Variants in PDE4B observed in about 807,000 individuals in gnomAD.
PDE4B encodes phosphodiesterase 4B.
In PDE4B, 20 loss-of-function variants were observed where a neutral mutation model predicts 82.2. That is an observed-to-expected ratio of 0.24 (90% CI 0.17 to 0.35). The LOEUF (loss-of-function observed/expected upper bound fraction) is 0.35. Among genes scored for constraint, PDE4B ranks in the 10% least tolerant of loss-of-function variants. PDE4B has a pLI of 1.00. For synonymous variants in PDE4B, 320 were observed against 318.9 expected, an observed-to-expected ratio of 1.00 and a Z score of -0.04; for missense variants, 655 against 907.2, an observed-to-expected ratio of 0.72 and a Z score of 3.57.
chr1:66,051,367 A>C (rs12040042), intron 3 of PDE4B, among the ~76,000 whole-genome samples: 1 of 152,074 alleles, frequency 6.6e-6, no homozygotes, highest in Non-Finnish European at 1.5e-5. Flanking sequence ...CCTCATGATT[A>C]TTGGGTCAGT....
intron 3 of PDE4B, among the ~76,000 whole-genome samples, chr1:66,110,509 G>T (rs1645462519): frequency 6.6e-6 from 1 of 152,046 alleles, no homozygotes; most frequent in Admixed American, 6.6e-5. Context: ...ATAGAGCACA[G>T]GTCCTGGCAC....
chr1:66,006,583 C>A (rs1652163780), intron 3 of PDE4B, among the ~76,000 whole-genome samples: 1 of 152,020 alleles, frequency 6.6e-6, no homozygotes, highest in Non-Finnish European at 1.5e-5. Flanking sequence ...TATGGTTTGG[C>A]TGTATCTCCA....
chr1:66,368,108 A>G (rs759979845), intron 15 of PDE4B, 43 bp downstream of exon 15: 18 of 1,592,098 alleles, frequency 1.1e-5, no homozygotes, highest in Non-Finnish European at 1.5e-5. Context: ...ACCAAACCAA[A>G]CTAAGCTGAA....
chr1:66,332,397 A>G (rs1166527021), intron 7 of PDE4B, 111 bp from the exon 8 acceptor site: 5 of 1,613,918 alleles, frequency 3.1e-6, no homozygotes, highest in South Asian at 1.1e-5. Context: ...ATAATGAAGG[A>G]GCACGGGGGC....
At chr1:65,868,538 T>G (rs142883199) in intron 1 of PDE4B, among the ~76,000 whole-genome samples, 1 of 152,224 alleles carries the variant, frequency 6.6e-6, no homozygotes, top group East Asian at 1.9e-4. Flanking sequence ...CATTCACCTA[T>G]TTATTCATTC....
rs916865834 is a variant in PDE4B, at chr1:65,963,445, C to A, written c.281+44610C>A. 3.3e-5 allele frequency among the ~76,000 whole-genome samples: 5 copies of A among 152,324 alleles called. No individual in the cohort carries two copies. In the South Asian group the frequency reaches 1.0e-3, roughly 32 times the overall value. Reference sequence around the variant, plus strand: ...AATGCTTGAGGTGTCCCTCATTGCACCCCTGCAGCAAGGTTGGCCAGCTGT... The same window carrying A: ...AATGCTTGAGGTGTCCCTCATTGCAACCCTGCAGCAAGGTTGGCCAGCTGT... On this transcript the variant is annotated intron_variant, in intron 3 of 16. Coordinates refer to ENST00000341517, the MANE Select transcript of PDE4B (RefSeq NM_002600.4).
intron 3 of PDE4B, among the ~76,000 whole-genome samples, chr1:66,187,205 C>T (rs1180742628): frequency 6.6e-6 from 1 of 151,934 alleles, no homozygotes; most frequent in African/African-American, 2.4e-5. Flanking sequence ...GGTGGATAAG[C>T]TTTTTGATGT....
At chr1:66,145,216 C>G (rs1195746128) in intron 3 of PDE4B, among the ~76,000 whole-genome samples, 3 of 152,070 alleles carry the variant, frequency 2.0e-5, no homozygotes, top group African/African-American at 7.2e-5. Context: ...TGGTGCTTGC[C>G]CTTAATTTTC....
intron 3 of PDE4B, among the ~76,000 whole-genome samples, chr1:66,198,740 C>T (rs191910941): frequency 1.3e-4 from 20 of 152,208 alleles, no homozygotes; most frequent in Middle Eastern, 6.8e-3. Flanking sequence ...AGGTATATCT[C>T]CTAATGCTAT....
intron 1 of PDE4B, among the ~76,000 whole-genome samples, chr1:65,835,403 G>A (rs1646128970): frequency 6.6e-6 from 1 of 152,088 alleles, no homozygotes; most frequent in African/African-American, 2.4e-5. Context: ...TTGCAAGCAG[G>A]AGTCCTGATT....
At chr1:66,000,214 T>C (rs1053565785) in intron 3 of PDE4B, among the ~76,000 whole-genome samples, 1 of 152,330 alleles carries the variant, frequency 6.6e-6, no homozygotes, top group Admixed American at 6.5e-5. Flanking sequence ...GCTCTACATA[T>C]CTCTCACCAA....
intron 7 of PDE4B, among the ~76,000 whole-genome samples, chr1:66,301,561 C>CT (rs11324517): frequency 4.7e-4 from 68 of 145,442 alleles, no homozygotes; most frequent in South Asian, 1.1e-3. Context: ...TAGGACAATG[C>CT]TTTTTTTTTT....
In PDE4B at chr1:65,968,011, G is replaced by A. The variant is rs1393833894; in HGVS notation, c.281+49176G>A. On this transcript the variant is annotated intron_variant, in intron 3 of 16. Transcript: ENST00000341517. Reference sequence around the variant, plus strand: ...CTGAACATGTATCCTAGAACTTAAAGTATAATTTAAAAAAAGAAAAAAAAT... The same window carrying A: ...CTGAACATGTATCCTAGAACTTAAAATATAATTTAAAAAAAGAAAAAAAAT... Among the ~76,000 whole-genome samples, 12 of 152,018 alleles carry A rather than the reference G, an allele frequency of 7.9e-5. No homozygotes were observed. The South Asian group carries it at 8.3e-4, about 11-fold the overall frequency.
intron 3 of PDE4B, among the ~76,000 whole-genome samples, chr1:66,040,309 A>G (rs1438695589): frequency 6.6e-6 from 1 of 151,994 alleles, no homozygotes; most frequent in Admixed American, 6.6e-5. Context: ...TATTTAGAGG[A>G]ACCACCTCAA....
At chr1:66,096,466 A>C (rs1045949250) in intron 3 of PDE4B, among the ~76,000 whole-genome samples, 3 of 140,374 alleles carry the variant, frequency 2.1e-5, no homozygotes, top group African/African-American at 7.7e-5. Context: ...GATCACTTGA[A>C]ATGGGGCTAG....
chr1:65,846,380 T>A (rs867434017), intron 1 of PDE4B, among the ~76,000 whole-genome samples: 1 of 152,118 alleles, frequency 6.6e-6, no homozygotes, highest in Non-Finnish European at 1.5e-5. Context: ...TAGGGCAAGG[T>A]TGTGGAATTC....
intron 1 of PDE4B, among the ~76,000 whole-genome samples, chr1:65,856,428 C>A (rs1214042951): frequency 6.6e-6 from 1 of 152,066 alleles, no homozygotes; most frequent in African/African-American, 2.4e-5. Context: ...TGAGAATATG[C>A]AGTGTTTGGT....
chr1:66,157,191 G>A (rs751291984), intron 3 of PDE4B, among the ~76,000 whole-genome samples: 1 of 152,150 alleles, frequency 6.6e-6, no homozygotes, highest in East Asian at 1.9e-4. Context: ...TCATCCCTAA[G>A]TCCTCTCTTT....
intron 1 of PDE4B, among the ~76,000 whole-genome samples, chr1:65,838,625 G>A (rs1165629666): frequency 6.7e-6 from 1 of 148,548 alleles, no homozygotes; most frequent in African/African-American, 2.5e-5. Flanking sequence ...GTATATATAT[G>A]TGTGTATATA....
Sources: allele counts gnomAD v4.1 joint callset (sites outside exome capture counted in the v4.1 genomes callset), GRCh38; gene constraint gnomAD v4.1.1; transcripts MANE v1.5; gene names NCBI Gene and HGNC (gene_info 2026-07-23, HGNC 2026-07-21).